Variants in CCNE1 observed in about 807,000 individuals in gnomAD.
CCNE1 encodes the protein G1/S-specific cyclin-E1.
Under a neutral mutation model 54.1 loss-of-function variants are expected in CCNE1, and 8 were observed. The ratio of observed to expected loss-of-function variants is 0.15; its 90% CI spans 0.09 to 0.27. The LOEUF (loss-of-function observed/expected upper bound fraction) is 0.27, where lower values mean the gene tolerates loss of function less well. Ranked by LOEUF, CCNE1 falls within the 10% of genes least tolerant of loss-of-function variation. CCNE1 has a pLI of 1.00. For missense variants in CCNE1, 430 were observed against 514.9 expected (o/e 0.84, Z 1.60); for synonymous variants, 179 against 185.2 (o/e 0.97, Z 0.27).
At chr19:29,821,247 C>T (rs3218060) in intron 7 of CCNE1, among the ~76,000 whole-genome samples, 2,685 of 152,136 alleles carry the variant, frequency 0.018, 37 homozygotes, top group Non-Finnish European at 0.029. Context: ...ATTAGCCAGG[C>T]GTGGTGGCAC....
chr19:29,824,083 C>A lies in CCNE1; in HGVS notation c.*306C>A. On this transcript the variant is annotated 3_prime_UTR_variant, in exon 12 of 12. Transcript: ENST00000262643. Reference sequence around the variant, plus strand: ...CTCCCACAACAACAAAAGCTTGAAGCTGTGGAGGGCCACGGTGGCGTGGCT... The same window carrying A: ...CTCCCACAACAACAAAAGCTTGAAGATGTGGAGGGCCACGGTGGCGTGGCT... The A allele has an allele frequency of 3.3e-6, 1 of 303,846 alleles. No individual in the cohort carries two copies. The allele number at this position is 303,846 out of a possible 1,614,324, so 18.8% of individuals were successfully genotyped here. A position where few individuals can be genotyped will look rare whatever the true frequency, so the allele number is the denominator to read the frequency against.
chr19:29,822,390 C>T (rs2145729488), intron 10 of CCNE1, 39 bp downstream of exon 10: 1 of 1,613,674 alleles, frequency 6.2e-7, no homozygotes, highest in South Asian at 1.1e-5. Context: ...ACAAGGTGTA[C>T]TAAGCTTACA....
rs200523129 is a variant in CCNE1 at position 29,817,468 on chromosome 19, A to C, written c.389A>C (p.Asp130Ala). The change falls in exon 6 of 12, where the codon GAT (aspartate) becomes GCT (alanine). Residue 130 changes from aspartate to alanine, a missense_variant. Physicochemically the swap from Asp to Ala is moderately radical, Grantham distance 126. Around this residue, in one of 2 missense-constraint regions of CCNE1, gnomAD observed 303 missense variants for 401.1 expected, o/e 0.76. Coordinates refer to ENST00000262643, the MANE Select transcript of CCNE1 (RefSeq NM_001238.4). ...AACAAGGAAAAGACATACTTAAGGGATCAGCACTTTCTTGAGCAACACCCT... is the reference window on the plus strand; with the variant it reads ...AACAAGGAAAAGACATACTTAAGGGCTCAGCACTTTCTTGAGCAACACCCT... ...MLNKEKTYLR[D>A]QHFLEQHPLL... is the part of the protein sequence containing the mutation. The C allele has an allele frequency of 3.6e-5, 58 of 1,614,086 alleles. No homozygotes were observed. The highest frequency in any genetic ancestry group is 4.8e-5 in the Non-Finnish European group (57 of 1,180,030).
At chr19:29,819,958 GT>G (rs1403265621) in intron 6 of CCNE1, among the ~76,000 whole-genome samples, 1 of 152,252 alleles carries the variant, frequency 6.6e-6, no homozygotes, top group African/African-American at 2.4e-5. Flanking sequence ...GATATGCCAT[GT>G]TTTTAATCCT....
intron 6 of CCNE1, among the ~76,000 whole-genome samples, chr19:29,818,785 G>A (rs983176111): frequency 2.1e-4 from 31 of 146,884 alleles, no homozygotes; most frequent in Non-Finnish European, 3.2e-4. Context: ...TTTTTGAGAC[G>A]GAGTTTCGCT....
chr19:29,823,844 CGGA>C lies in CCNE1; in HGVS notation c.*70_*72del, dbSNP rs1974214159. On this transcript the variant is annotated 3_prime_UTR_variant, in exon 12 of 12. Transcript: ENST00000262643. ...CCACGTTCTCTTCTGTCTGTTGCAGCGGAGGCGTGCGTTTGCTTTTACAGATAT... is the reference window on the plus strand; with the variant it reads ...CCACGTTCTCTTCTGTCTGTTGCAGCGGCGTGCGTTTGCTTTTACAGATAT... 1.4e-6 allele frequency: 2 copies of C among 1,480,494 alleles called. No homozygotes were observed. The highest frequency in any genetic ancestry group is 1.8e-6 in the Non-Finnish European group (2 of 1,101,860). The allele number at this position is 1,480,494 out of a possible 1,614,324, so 91.7% of individuals were successfully genotyped here.
At position 29,823,711 on chromosome 19, in the gene CCNE1, C is replaced by A; in HGVS notation, c.1167C>A (p.Leu389=). The A allele has an allele frequency of 6.2e-7, 1 of 1,614,146 alleles. No homozygotes were observed. The highest frequency in any genetic ancestry group is 8.5e-7 in the Non-Finnish European group (1 of 1,179,978). ...CTGAACAAAATAGGGCTTCTCCTCT[C>A]CCCAGTGGGCTCCTCACCCCGCCAC... ...MLSEQNRASP[L]PSGLLTPPQS... Residue 389 remains leucine, a synonymous_variant, in exon 12 of 12, where the codon CTC becomes CTA. Coordinates refer to ENST00000262643, the MANE Select transcript of CCNE1 (RefSeq NM_001238.4).
At chr19:29,817,858 T>C (rs796123679) in intron 6 of CCNE1, among the ~76,000 whole-genome samples, 1 of 68,406 alleles carries the variant, frequency 1.5e-5, no homozygotes, top group African/African-American at 6.7e-5. Flanking sequence ...ATTAAATTGC[T>C]TTTTTTTTTT....
chr19:29,812,599 GCCGGACGGGA>G (rs746629381), intron 2 of CCNE1, 21 bp downstream of exon 2: 2 of 1,532,304 alleles, frequency 1.3e-6, no homozygotes, highest in Non-Finnish European at 1.8e-6. Context: ...GCGCCGCGGG[GCCGGACGGGA>G]CGGGACGGGA....
Position 29,823,906 on chromosome 19 carries a change from T to A in CCNE1, c.*129T>A. The A allele has an allele frequency of 9.3e-7, 1 of 1,071,226 alleles. No individual in the cohort carries two copies. The highest frequency in any genetic ancestry group is 1.3e-6 in the Non-Finnish European group (1 of 766,172). The allele number at this position is 1,071,226 out of a possible 1,614,324, so 66.4% of individuals were successfully genotyped here. On this transcript the variant is annotated 3_prime_UTR_variant, in exon 12 of 12. Coordinates refer to ENST00000262643, the MANE Select transcript of CCNE1 (RefSeq NM_001238.4). ...AAGAGTGTTTCTTCCACAACAGAAGTATTTCTGTGGATGGCATCAAACAGG... is the reference window on the plus strand; with the variant it reads ...AAGAGTGTTTCTTCCACAACAGAAGAATTTCTGTGGATGGCATCAAACAGG...
intron 6 of CCNE1, among the ~76,000 whole-genome samples, chr19:29,817,842 A>G (rs1027335297): frequency 1.5e-5 from 2 of 133,666 alleles, no homozygotes; most frequent in South Asian, 5.2e-4. Context: ...TTTGTTCATT[A>G]TGTTCATTAA....
intron 4 of CCNE1, among the ~76,000 whole-genome samples, chr19:29,813,520 C>G (rs557388768): frequency 2.6e-5 from 4 of 152,182 alleles, no homozygotes; most frequent in Non-Finnish European, 5.9e-5. Flanking sequence ...GGACCTCCTC[C>G]GTCTTCTGTA....
intron 11 of CCNE1, 144 bp downstream of exon 11, chr19:29,822,747 C>T (rs553261641): frequency 2.8e-4 from 200 of 720,886 alleles, no homozygotes; most frequent in South Asian, 8.3e-4. Flanking sequence ...AGTTCAAGAC[C>T]AGCCTGGCCA....
chr19:29,822,167 C>T (rs780248668), intron 9 of CCNE1, 37 bp downstream of exon 9: 2 of 1,611,778 alleles, frequency 1.2e-6, no homozygotes, highest in South Asian at 1.1e-5. Context: ...GCCACCTTCC[C>T]TGCAGCTGGA....
At chr19:29,816,996 T>G (rs550209049) in intron 4 of CCNE1, 141 bp from the exon 5 acceptor site, 2 of 810,544 alleles carry the variant, frequency 2.5e-6, no homozygotes, top group Admixed American at 3.2e-5. Context: ...ACAAAAAATA[T>G]CATAATGTAT....
rs1262666288 is a variant in CCNE1, at chr19:29,812,746, C to T, written c.81C>T (p.Arg27=). The change falls in exon 3 of 12, where the codon CGC becomes CGT. Residue 27 remains arginine, a synonymous_variant. Coordinates refer to ENST00000262643, the MANE Select transcript of CCNE1 (RefSeq NM_001238.4). ...KEDGGAEFSA[R]SRKRKANVTV... is the part of the protein sequence containing the mutation. ...ACGGCGGCGCGGAGTTCTCGGCTCG[C>T]TCCAGGAAGAGGAAGGCAAACGTGA... 3 of 1,594,576 alleles carry T rather than the reference C, an allele frequency of 1.9e-6. No individual in the cohort carries two copies. The highest frequency in any genetic ancestry group is 2.6e-6 in the Non-Finnish European group (3 of 1,172,426).
chr19:29,822,162 C>A, intron 9 of CCNE1, 32 bp downstream of exon 9: 1 of 1,611,726 alleles, frequency 6.2e-7, no homozygotes, highest in Non-Finnish European at 8.5e-7. Context: ...GTGGGGCCAC[C>A]TTCCCTGCAG....
chr19:29,812,831 C>G, intron 3 of CCNE1, 55 bp downstream of exon 3: 1 of 1,586,042 alleles, frequency 6.3e-7, no homozygotes, highest in Non-Finnish European at 8.6e-7. Flanking sequence ...CCTGGGTACC[C>G]GACTTGGCTC....
Position 29,822,363 on chromosome 19 carries a change from T to C in CCNE1, c.952+12T>C. 6.2e-7 allele frequency: 1 copy of C among 1,613,878 alleles called. No individual in the cohort carries two copies. ...GCAAAAGGTTTCAGGTAAGTTGGCT[T>C]TCCAGTGCATGCACAAACAAGGTGT... On this transcript the variant is annotated intron_variant, in intron 10 of 11. Transcript: ENST00000262643.
Sources: allele counts gnomAD v4.1 joint callset (sites outside exome capture counted in the v4.1 genomes callset), GRCh38; gene constraint gnomAD v4.1.1; regional missense constraint gnomAD v4.1.1; transcripts MANE v1.5; gene names NCBI Gene and HGNC (gene_info 2026-07-23, HGNC 2026-07-21).